Variants in MCTP1 observed in about 807,000 individuals in gnomAD.
MCTP1 encodes multiple C2 and transmembrane domain containing 1.
In MCTP1, 69 loss-of-function variants were observed where a neutral mutation model predicts 120.6. That is an observed-to-expected ratio of 0.57 (90% CI 0.47 to 0.70). MCTP1 has a LOEUF of 0.70. Among genes scored for constraint, MCTP1 ranks in the 30% least tolerant of loss-of-function variants. The pLI is 0.00. For missense variants in MCTP1, 1,203 were observed against 1,248.8 expected (o/e 0.96, Z 0.55); for synonymous variants, 529 against 493.1 (o/e 1.07, Z -0.96).
At chr5:94,772,035 C>A (rs547191458) in intron 19 of MCTP1, among the ~76,000 whole-genome samples, 1 of 152,278 alleles carries the variant, frequency 6.6e-6, no homozygotes, top group African/African-American at 2.4e-5. Context: ...TCCCCACCCC[C>A]TACCAGTTAG....
At chr5:94,918,678 T>G (rs1183854114) in intron 7 of MCTP1, among the ~76,000 whole-genome samples, 1 of 152,206 alleles carries the variant, frequency 6.6e-6, no homozygotes, top group Non-Finnish European at 1.5e-5. Flanking sequence ...AGAAAGTTTC[T>G]TAACAATAGT....
intron 1 of MCTP1, among the ~76,000 whole-genome samples, chr5:95,067,854 T>C (rs1004503096): frequency 2.0e-5 from 3 of 152,160 alleles, no homozygotes; most frequent in East Asian, 1.9e-4. Flanking sequence ...TACATTATTA[T>C]TAATGTCACT....
chr5:94,759,834 A>T (rs1770845891), intron 19 of MCTP1, among the ~76,000 whole-genome samples: 1 of 149,130 alleles, frequency 6.7e-6, no homozygotes, highest in African/African-American at 2.5e-5. Flanking sequence ...CTCCTAATAA[A>T]TGTACCTAAT....
chr5:95,033,067 A>G (rs919171382), intron 1 of MCTP1, among the ~76,000 whole-genome samples: 2 of 152,088 alleles, frequency 1.3e-5, no homozygotes, highest in African/African-American at 2.4e-5. Flanking sequence ...GAAATCCCTT[A>G]CAAAACAATG....
chr5:95,074,347 G>A (rs1261695576), intron 1 of MCTP1, among the ~76,000 whole-genome samples: 2 of 152,264 alleles, frequency 1.3e-5, no homozygotes, highest in Admixed American at 1.3e-4. Context: ...GCTTGGGTGT[G>A]GCCACCCAAC....
intron 1 of MCTP1, among the ~76,000 whole-genome samples, chr5:95,191,097 A>G (rs1402234571): frequency 1.3e-5 from 2 of 152,060 alleles, no homozygotes; most frequent in Non-Finnish European, 2.9e-5. Flanking sequence ...AAAAACAAAT[A>G]TAAATTGCTA....
At chr5:95,011,882 T>C (rs1204973539) in intron 2 of MCTP1, among the ~76,000 whole-genome samples, 2 of 152,288 alleles carry the variant, frequency 1.3e-5, no homozygotes, top group East Asian at 3.9e-4. Context: ...CTATGTGATT[T>C]TGACATTTTG....
At chr5:95,178,052 C>A (rs1748210924) in intron 1 of MCTP1, among the ~76,000 whole-genome samples, 5 of 152,190 alleles carry the variant, frequency 3.3e-5, no homozygotes, top group Admixed American at 3.3e-4. Context: ...TATGTGGGAA[C>A]TGGGTGAGGC....
chr5:94,965,957 C>T (rs941994813), intron 2 of MCTP1, among the ~76,000 whole-genome samples: 7 of 152,080 alleles, frequency 4.6e-5, no homozygotes, highest in African/African-American at 7.2e-5. Context: ...CCAAACCGGC[C>T]GGTGCTTGGA....
intron 7 of MCTP1, among the ~76,000 whole-genome samples, chr5:94,923,036 G>A (rs978788411): frequency 2.7e-5 from 4 of 146,026 alleles, no homozygotes; most frequent in African/African-American, 7.6e-5. Flanking sequence ...ATGTGCATTC[G>A]AGCTGGTAAG....
intron 1 of MCTP1, among the ~76,000 whole-genome samples, chr5:95,065,719 T>C (rs1251678059): frequency 1.3e-5 from 2 of 152,180 alleles, no homozygotes; most frequent in East Asian, 3.8e-4. Context: ...TCACTTCAAT[T>C]CAATATTTTT....
At chr5:94,729,448 G>A (rs1762723080) in intron 19 of MCTP1, among the ~76,000 whole-genome samples, 2 of 152,200 alleles carry the variant, frequency 1.3e-5, no homozygotes, top group East Asian at 1.9e-4. Flanking sequence ...GATAATGTCC[G>A]TGAAACCAGA....
At chr5:94,892,581 C>T (rs1802925766) in intron 11 of MCTP1, among the ~76,000 whole-genome samples, 1 of 152,096 alleles carries the variant, frequency 6.6e-6, no homozygotes, top group South Asian at 2.1e-4. Context: ...GCTCACAGAG[C>T]GATGTTTGTT....
At chr5:94,825,518 T>C (rs1005717718) in intron 17 of MCTP1, among the ~76,000 whole-genome samples, 1 of 152,150 alleles carries the variant, frequency 6.6e-6, no homozygotes, top group Non-Finnish European at 1.5e-5. Context: ...TATATTCTGA[T>C]GATTTGGGGT....
At chr5:94,923,939 A>T in intron 7 of MCTP1, 23 bp downstream of exon 7, 1 of 1,456,932 alleles carries the variant, frequency 6.9e-7, no homozygotes, top group Non-Finnish European at 9.2e-7. Flanking sequence ...CAAGAATATT[A>T]ACAAAAAGGA....
chr5:95,193,037 T>C (rs1009699550), intron 1 of MCTP1, among the ~76,000 whole-genome samples: 3 of 152,188 alleles, frequency 2.0e-5, no homozygotes, highest in African/African-American at 7.2e-5. Context: ...GTCATTGCTT[T>C]TCCTCAAAAG....
At chr5:95,202,736 T>C (rs1582516752) in intron 1 of MCTP1, among the ~76,000 whole-genome samples, 6 of 151,670 alleles carry the variant, frequency 4.0e-5, no homozygotes, top group Admixed American at 1.3e-4. Flanking sequence ...TTTTCTTTTT[T>C]TCTTTTTTTG....
intron 1 of MCTP1, among the ~76,000 whole-genome samples, chr5:95,092,861 G>A (rs1278384017): frequency 2.0e-5 from 3 of 152,098 alleles, no homozygotes; most frequent in African/African-American, 4.8e-5. Flanking sequence ...AATTTTTTTA[G>A]GCAGACAGTG....
chr5:94,794,207 A>C (rs1428445979), intron 18 of MCTP1, among the ~76,000 whole-genome samples: 1 of 152,230 alleles, frequency 6.6e-6, no homozygotes, highest in Non-Finnish European at 1.5e-5. Context: ...GTAAAAATGA[A>C]TGTTCTTTTA....
Sources: gnomAD v4.1 joint callset for allele counts (sites outside exome capture counted in the v4.1 genomes callset) on GRCh38, gnomAD v4.1.1 for gene constraint, MANE v1.5 for transcripts, NCBI Gene and HGNC (gene_info 2026-07-23, HGNC 2026-07-21) for gene names.